The following LARGE1 variants were observed in gnomAD, a reference collection of about 807,000 sequenced individuals.
LARGE1 encodes LARGE xylosyl- and glucuronyltransferase 1.
In LARGE1, 43 loss-of-function variants were observed where a neutral mutation model predicts 87.6. The observed-to-expected ratio is 0.49, with a 90% CI of 0.38 to 0.63. The LOEUF is 0.63. Among genes scored for constraint, LARGE1 ranks in the 30% least tolerant of loss-of-function variants. The pLI is 0.00. For synonymous variants in LARGE1, 434 were observed against 394.6 expected (o/e 1.10, Z -1.18); for missense variants, 802 against 1,000.2 (o/e 0.80, Z 2.67).
At chr22:33,447,951 C>T (rs2067754160) in intron 6 of LARGE1, among the ~76,000 whole-genome samples, 1 of 152,132 alleles carries the variant, frequency 6.6e-6, no homozygotes, top group African/African-American at 2.4e-5. Context: ...ACCTTGGAAA[C>T]CTTATGTCAA....
intron 6 of LARGE1, among the ~76,000 whole-genome samples, chr22:33,490,885 C>T (rs2069810740): frequency 6.6e-6 from 1 of 152,206 alleles, no homozygotes; most frequent in Admixed American, 6.5e-5. Flanking sequence ...TCACCTCTTC[C>T]TACCATTGTC....
chr22:33,491,627 G>A (rs1474782171), intron 6 of LARGE1, among the ~76,000 whole-genome samples: 1 of 152,208 alleles, frequency 6.6e-6, no homozygotes, highest in Admixed American at 6.5e-5. Flanking sequence ...CTATAAAGGA[G>A]AAATCACAAG....
At chr22:33,541,465 G>A (rs1411164700) in intron 6 of LARGE1, among the ~76,000 whole-genome samples, 1 of 152,156 alleles carries the variant, frequency 6.6e-6, no homozygotes, top group Non-Finnish European at 1.5e-5. Context: ...CTGACTGTAG[G>A]TAGTAGAAAT....
intron 2 of LARGE1, among the ~76,000 whole-genome samples, chr22:33,678,236 T>C (rs1488852544): frequency 3.3e-5 from 5 of 152,322 alleles, no homozygotes; most frequent in Non-Finnish European, 7.3e-5. Context: ...TTATTTTACG[T>C]AAAGGGATAC....
chr22:33,713,362 T>C (rs574934631), intron 2 of LARGE1, among the ~76,000 whole-genome samples: 52 of 152,250 alleles, frequency 3.4e-4, no homozygotes, highest in Admixed American at 6.5e-4. Context: ...CTAAACAGCC[T>C]TTCGCTAGGA....
chr22:33,285,731 T>C (rs1931407473), intron 12 of LARGE1, among the ~76,000 whole-genome samples: 1 of 152,216 alleles, frequency 6.6e-6, no homozygotes, highest in Non-Finnish European at 1.5e-5. Flanking sequence ...GGACTAGAGC[T>C]GGCGTGCAAA....
chr22:33,222,428 CA>C (rs1182459663), intron 11 of LARGE1, among the ~76,000 whole-genome samples: 1 of 152,214 alleles, frequency 6.6e-6, no homozygotes, highest in East Asian at 1.9e-4. Context: ...TGCCCCCCCA[CA>C]AAAAATATGT....
intron 1 of LARGE1, among the ~76,000 whole-genome samples, chr22:33,824,120 T>A (rs556749830): frequency 6.6e-6 from 1 of 152,210 alleles, no homozygotes; most frequent in Non-Finnish European, 1.5e-5. Flanking sequence ...ACATGCCCGA[T>A]TGAGTTTTGC....
intron 10 of LARGE1, among the ~76,000 whole-genome samples, chr22:33,330,925 G>T (rs79473513): frequency 0.044 from 6,648 of 152,272 alleles, 223 homozygotes; most frequent in Middle Eastern, 0.095. Flanking sequence ...TGGGGATACT[G>T]GGGATTGTTT....
intron 7 of LARGE1, among the ~76,000 whole-genome samples, chr22:33,428,758 TAAA>T (rs763068404): frequency 6.3e-5 from 6 of 95,264 alleles, no homozygotes; most frequent in Admixed American, 1.1e-4. Context: ...CCGTCACTAC[TAAA>T]AAAAAAAAAA....
Position 33,650,468 on chromosome 22 carries a change from A to T in LARGE1, c.307T>A (p.Ser103Thr), listed in dbSNP as rs1291788655. The part of the protein sequence containing the change: ...HRRGNHSKTY[S>T]MEEGTGDSEN... Reference sequence around the variant, plus strand: ...CTGTCTCCAGTGCCCTCCTCCATGGAGTAGGTCTTGGAGTGGTTGCCTCGG... The same window carrying T: ...CTGTCTCCAGTGCCCTCCTCCATGGTGTAGGTCTTGGAGTGGTTGCCTCGG... Residue 103 changes from serine to threonine, a missense_variant, in exon 3 of 15, where the codon TCC becomes ACC. Transcript: ENST00000397394. 1 of 1,613,908 alleles carries T rather than the reference A, an allele frequency of 6.2e-7. No homozygotes were observed. The highest frequency in any genetic ancestry group is 1.1e-5 in the South Asian group (1 of 91,080).
At chr22:33,438,936 C>T (rs1444718229) in intron 6 of LARGE1, among the ~76,000 whole-genome samples, 12 of 152,008 alleles carry the variant, frequency 7.9e-5, no homozygotes, top group South Asian at 2.1e-4. Context: ...CAAGGCCGGG[C>T]GCGGTGGCTC....
intron 11 of LARGE1, among the ~76,000 whole-genome samples, chr22:33,250,760 C>A (rs946191781): frequency 2.0e-5 from 3 of 152,172 alleles, no homozygotes; most frequent in Admixed American, 2.0e-4. Flanking sequence ...CTTATATGAT[C>A]ATGTAATTTT....
intron 2 of LARGE1, among the ~76,000 whole-genome samples, chr22:33,689,928 A>G (rs2082050488): frequency 7.7e-6 from 1 of 129,194 alleles, no homozygotes; most frequent in Non-Finnish European, 1.8e-5. Context: ...CTCTGTCTCA[A>G]AAAAAAAAAG....
the LARGE1 span, among the ~76,000 whole-genome samples, chr22:33,103,679 A>G: frequency 2.0e-5 from 3 of 152,172 alleles, no homozygotes; most frequent in Non-Finnish European, 4.4e-5. Context: ...CAGGGACCTC[A>G]GTCCTACAAC....
At chr22:33,318,872 A>T (rs1936443988) in intron 10 of LARGE1, among the ~76,000 whole-genome samples, 1 of 152,194 alleles carries the variant, frequency 6.6e-6, no homozygotes, top group South Asian at 2.1e-4. Flanking sequence ...AGGGTTACCA[A>T]CCTAGCTGAA....
At chr22:33,405,575 TCAA>T (rs1310091825) in intron 7 of LARGE1, among the ~76,000 whole-genome samples, 7 of 152,220 alleles carry the variant, frequency 4.6e-5, no homozygotes, top group African/African-American at 1.7e-4. Flanking sequence ...AGTGAAGATT[TCAA>T]CAGACCACAT....
intron 6 of LARGE1, among the ~76,000 whole-genome samples, chr22:33,520,402 C>T (rs948966710): frequency 6.6e-6 from 1 of 152,122 alleles, no homozygotes; most frequent in Non-Finnish European, 1.5e-5. Context: ...CATCCTGTAC[C>T]TGAGATTCAT....
chr22:33,303,824 C>T (rs549890688), intron 12 of LARGE1, among the ~76,000 whole-genome samples: 1 of 151,798 alleles, frequency 6.6e-6, no homozygotes, highest in East Asian at 1.9e-4. Flanking sequence ...GGGGTTTCAC[C>T]ATGTTGGCCA....
Sources: allele counts gnomAD v4.1 joint callset (sites outside exome capture counted in the v4.1 genomes callset), GRCh38; gene constraint gnomAD v4.1.1; transcripts MANE v1.5; gene names NCBI Gene and HGNC (gene_info 2026-07-23, HGNC 2026-07-21).